EXT1: variants seen among roughly 807,000 people sequenced by gnomAD.
The protein encoded by EXT1 is exostosin glycosyltransferase 1, also known as exostosin-1.
EXT1 carries 20 observed loss-of-function variants against 82.5 expected under a neutral mutation model. That is an observed-to-expected ratio of 0.24 (90% CI 0.17 to 0.35). The LOEUF is 0.35. Among genes scored for constraint, EXT1 ranks in the 10% least tolerant of loss-of-function variants. The pLI is 1.00. For missense variants in EXT1, 757 were observed against 936.5 expected, an observed-to-expected ratio of 0.81 and a Z score of 2.50; for synonymous variants, 348 against 350.8, an observed-to-expected ratio of 0.99 and a Z score of 0.09.
At chr8:117,827,057 T>C (rs1327832364) in intron 4 of EXT1, among the ~76,000 whole-genome samples, 4 of 152,198 alleles carry the variant, frequency 2.6e-5, no homozygotes, top group African/African-American at 4.8e-5. Flanking sequence ...AAGTGATAGA[T>C]GTGTGTGTTT....
intron 4 of EXT1, among the ~76,000 whole-genome samples, chr8:117,823,655 C>T (rs1017760920): frequency 6.6e-6 from 1 of 152,106 alleles, no homozygotes; most frequent in Non-Finnish European, 1.5e-5. Context: ...TATTAACACC[C>T]TCATCTCATT....
chr8:117,930,562 AAG>A (rs1407095551), intron 1 of EXT1, among the ~76,000 whole-genome samples: 1 of 152,144 alleles, frequency 6.6e-6, no homozygotes, highest in East Asian at 1.9e-4. Flanking sequence ...GGGAGAGGAG[AAG>A]AGAGTGTGAT....
intron 1 of EXT1, among the ~76,000 whole-genome samples, chr8:118,003,371 A>ACACC (rs148869155): frequency 0.031 from 4,728 of 151,968 alleles, 269 homozygotes; most frequent in African/African-American, 0.11. Flanking sequence ...ATGTAACCAA[A>ACACC]CACCACCTGT....
At chr8:118,016,300 T>C (rs977237628) in intron 1 of EXT1, among the ~76,000 whole-genome samples, 1 of 152,064 alleles carries the variant, frequency 6.6e-6, no homozygotes, top group Admixed American at 6.6e-5. Context: ...GGGAGAGGCA[T>C]GAGAATCTCT....
intron 1 of EXT1, among the ~76,000 whole-genome samples, chr8:117,972,725 CTT>C (rs749345171): frequency 2.8e-4 from 43 of 152,158 alleles, no homozygotes; most frequent in Non-Finnish European, 4.9e-4. Flanking sequence ...CCTCAGGAAA[CTT>C]AAAATCATGG....
chr8:117,830,664 T>C lies in EXT1; in HGVS notation c.1165-315A>G, dbSNP rs974895743. Among the ~76,000 whole-genome samples, 4 of 152,310 alleles carry C rather than the reference T, an allele frequency of 2.6e-5. No homozygotes were observed. In the South Asian group the frequency reaches 8.3e-4, roughly 32 times the overall value. On this transcript the variant is annotated intron_variant, in intron 3 of 10. Transcript: ENST00000378204. ...TGCTGTTTCCAGAAATCCTTGACCT[T>C]GCACATGAACAACCAAATTTTATAG...
intron 1 of EXT1, among the ~76,000 whole-genome samples, chr8:118,094,729 T>C (rs1222826153): frequency 1.3e-5 from 2 of 152,240 alleles, no homozygotes; most frequent in Admixed American, 6.5e-5. Context: ...AGTCACCATC[T>C]GAATTCAAAC....
At chr8:118,063,768 A>G (rs1816926759) in intron 1 of EXT1, among the ~76,000 whole-genome samples, 1 of 152,250 alleles carries the variant, frequency 6.6e-6, no homozygotes, top group Admixed American at 6.5e-5. Context: ...TTTTACTTTA[A>G]GTATTAACTT....
intron 1 of EXT1, among the ~76,000 whole-genome samples, chr8:118,049,906 T>C (rs1816690365): frequency 6.6e-6 from 1 of 152,142 alleles, no homozygotes; most frequent in Non-Finnish European, 1.5e-5. Context: ...GGGCTCAAAA[T>C]GTCACCTGTG....
chr8:118,093,861 G>A (rs940846303), intron 1 of EXT1, among the ~76,000 whole-genome samples: 7 of 152,100 alleles, frequency 4.6e-5, no homozygotes, highest in African/African-American at 1.2e-4. Context: ...ATGCAGAAAC[G>A]GTGCAGAGGT....
chr8:118,000,898 C>T (rs1815652201), intron 1 of EXT1, among the ~76,000 whole-genome samples: 1 of 152,056 alleles, frequency 6.6e-6, no homozygotes, highest in African/African-American at 2.4e-5. Flanking sequence ...TCCCAGTCTT[C>T]ACAATTAAAA....
chr8:117,800,892 T>C (rs957403960), intron 10 of EXT1, among the ~76,000 whole-genome samples: 3 of 152,240 alleles, frequency 2.0e-5, no homozygotes, highest in African/African-American at 7.2e-5. Flanking sequence ...ATAGAATGAC[T>C]AAGCACATTG....
intron 1 of EXT1, among the ~76,000 whole-genome samples, chr8:117,882,768 A>G (rs952635383): frequency 1.3e-5 from 2 of 151,862 alleles, no homozygotes; most frequent in East Asian, 1.9e-4. Context: ...CTTGAGGACA[A>G]GAGTCCGATA....
intron 1 of EXT1, among the ~76,000 whole-genome samples, chr8:117,975,989 C>A (rs552092466): frequency 6.6e-6 from 1 of 152,196 alleles, no homozygotes; most frequent in Non-Finnish European, 1.5e-5. Flanking sequence ...AAAACAGTAA[C>A]ATGAGCTACG....
At chr8:117,957,204 CAT>C (rs1200956635) in intron 1 of EXT1, among the ~76,000 whole-genome samples, 1 of 152,186 alleles carries the variant, frequency 6.6e-6, no homozygotes, top group African/African-American at 2.4e-5. Flanking sequence ...CAGAAGATCT[CAT>C]GTGTGTGTTT....
chr8:118,020,658 G>C (rs1816087913), intron 1 of EXT1, among the ~76,000 whole-genome samples: 1 of 152,202 alleles, frequency 6.6e-6, no homozygotes, highest in African/African-American at 2.4e-5. Flanking sequence ...TTTCAGGACT[G>C]TGCCTGATCG....
chr8:118,064,454 T>C (rs1290293953), intron 1 of EXT1, among the ~76,000 whole-genome samples: 1 of 152,214 alleles, frequency 6.6e-6, no homozygotes, highest in African/African-American at 2.4e-5. Flanking sequence ...CTGTGTTAGT[T>C]TGATGAGAAT....
Position 118,110,602 on chromosome 8 carries a change from T to TGG in EXT1, c.443_444dup (p.Ser149ProfsTer9), listed in dbSNP as rs1182900059. The TGG allele has an allele frequency of 6.2e-7, 1 of 1,614,112 alleles. No homozygotes were observed. The highest frequency in any genetic ancestry group is 1.3e-5 in the African/African-American group (1 of 74,938). Reference sequence around the variant, plus strand: ...CTCAGGACAAAGAGGCACGCCTGGCTGGGGTCCGAGGTGTAGAACCTGGAG... The same window carrying TGG: ...CTCAGGACAAAGAGGCACGCCTGGCTGGGGGGTCCGAGGTGTAGAACCTGGAG... On this transcript the variant is annotated frameshift_variant, in exon 1 of 11. Coordinates refer to ENST00000378204, the MANE Select transcript of EXT1 (RefSeq NM_000127.3). LOFTEE classifies it high-confidence loss of function.
intron 1 of EXT1, among the ~76,000 whole-genome samples, chr8:117,865,471 C>T (rs532107370): frequency 5.3e-5 from 8 of 152,118 alleles, no homozygotes; most frequent in Non-Finnish European, 7.4e-5. Context: ...GATTATAGAG[C>T]GAGAAAAACA....
Sources: allele counts gnomAD v4.1 joint callset (sites outside exome capture counted in the v4.1 genomes callset), GRCh38; gene constraint gnomAD v4.1.1; transcripts MANE v1.5; gene names NCBI Gene and HGNC (gene_info 2026-07-23, HGNC 2026-07-21).